The following MTMR3 variants were observed in gnomAD, a reference collection of about 807,000 sequenced individuals.
The protein encoded by MTMR3 is myotubularin related protein 3.
MTMR3 carries 32 observed loss-of-function variants against 132.4 expected under a neutral mutation model. That is an observed-to-expected ratio of 0.24 (90% confidence interval 0.18 to 0.32). The LOEUF (loss-of-function observed/expected upper bound fraction) is 0.32. Ranked by LOEUF, MTMR3 falls within the 10% of genes least tolerant of loss-of-function variation. The probability of loss-of-function intolerance (pLI) is 1.00; values close to 1 mark genes in which losing one functional copy is unlikely to be tolerated. For missense variants in MTMR3, 1,216 were observed against 1,489.6 expected (o/e 0.82, Z 3.02); for synonymous variants, 556 against 550.3 (o/e 1.01, Z -0.14).
intron 2 of MTMR3, among the ~76,000 whole-genome samples, chr22:29,967,241 G>A (rs1038797954): frequency 1.0e-4 from 15 of 146,358 alleles, no homozygotes; most frequent in East Asian, 6.0e-4. Context: ...GTGCATGCGC[G>A]CGCGCGCGCA....
chr22:30,022,454 G>A, intron 18 of MTMR3, 155 bp from the exon 19 acceptor site: 1 of 671,160 alleles, frequency 1.5e-6, no homozygotes, highest in South Asian at 1.8e-5. Flanking sequence ...AAACGATTTG[G>A]ACGCCTTTCT....
intron 5 of MTMR3, chr22:29,980,956 C>T (rs1392683706): frequency 6.6e-6 from 1 of 152,200 alleles, no homozygotes; most frequent in Non-Finnish European, 1.5e-5. Flanking sequence ...GTAAAAGCAG[C>T]CTCTTTGTAC....
chr22:29,932,980 AT>A (rs2145793818), intron 1 of MTMR3, among the ~76,000 whole-genome samples: 1 of 151,892 alleles, frequency 6.6e-6, no homozygotes, highest in Non-Finnish European at 1.5e-5. Flanking sequence ...TAAAATTTTT[AT>A]TTTTTGAGAT....
In MTMR3 at chr22:30,019,546, C is replaced by T; in HGVS notation, c.1887C>T (p.Ser629=). 6.2e-7 allele frequency: 1 copy of T among 1,612,754 alleles called. No homozygotes were observed. The change falls in exon 17 of 20, where the codon AGC becomes AGT. Residue 629 remains serine, a synonymous_variant. Transcript: ENST00000401950. Reference sequence around the variant, plus strand: ...GTGACAACACAGTGCCTCTGGCCAGCCGGCGCTGCAGCGACCCCAGCCTGA... The same window carrying T: ...GTGACAACACAGTGCCTCTGGCCAGTCGGCGCTGCAGCGACCCCAGCCTGA... The part of the protein sequence containing the change: ...TACDNTVPLA[S]RRCSDPSLNE...
intron 1 of MTMR3, among the ~76,000 whole-genome samples, chr22:29,906,274 G>GTCTATCTATCTA (rs1568998324): frequency 8.1e-6 from 1 of 123,056 alleles, no homozygotes; most frequent in African/African-American, 4.2e-5. Flanking sequence ...CTGTCTGTCT[G>GTCTATCTATCTA]TCTGTCTGTC....
chr22:29,959,330 G>A (rs1351871927), intron 2 of MTMR3, among the ~76,000 whole-genome samples: 1 of 152,058 alleles, frequency 6.6e-6, no homozygotes, highest in African/African-American at 2.4e-5. Context: ...GGGTGGGGGA[G>A]TGTTGCAGAT....
chr22:29,943,059 A>G (rs1411883504), intron 1 of MTMR3, among the ~76,000 whole-genome samples: 1 of 152,232 alleles, frequency 6.6e-6, no homozygotes, highest in Non-Finnish European at 1.5e-5. Flanking sequence ...CAGGTGTAAG[A>G]AATTATAAAA....
intron 17 of MTMR3, chr22:30,021,823 C>G: frequency 1.7e-6 from 1 of 571,926 alleles, no homozygotes; most frequent in South Asian, 2.2e-5. Context: ...TCACTGCACA[C>G]AACCTGTGTA....
chr22:30,020,461 T>C lies in MTMR3; in HGVS notation c.2802T>C (p.Thr934=), dbSNP rs1479231925. 6.2e-7 allele frequency: 1 copy of C among 1,613,992 alleles called. No individual in the cohort carries two copies. The highest frequency in any genetic ancestry group is 8.5e-7 in the Non-Finnish European group (1 of 1,180,022). ...EGLVCNGAPE[T]ENRASEQPPG... ...TTGTGTGCAATGGTGCCCCAGAGAC[T>C]GAAAACAGGGCCTCAGAGCAGCCCC... The change falls in exon 17 of 20, where the codon ACT becomes ACC. Residue 934 remains threonine (T), a synonymous_variant. Coordinates refer to ENST00000401950, the MANE Select transcript of MTMR3 (RefSeq NM_021090.4).
chr22:29,921,054 G>C (rs1226536587), intron 1 of MTMR3, among the ~76,000 whole-genome samples: 1 of 152,074 alleles, frequency 6.6e-6, no homozygotes, highest in African/African-American at 2.4e-5. Flanking sequence ...TTTGGGGAAT[G>C]TGTTTGTTTT....
chr22:29,906,241 CATCCGTCTGTCTGTCT>C (rs1269726425), intron 1 of MTMR3, among the ~76,000 whole-genome samples: 15 of 148,094 alleles, frequency 1.0e-4, no homozygotes, highest in East Asian at 6.2e-4. Flanking sequence ...TTTATCCATC[CATCCGTCTGTCTGTCT>C]GTCTGTCTGT....
chr22:30,004,371 A>C (rs1396497198), intron 9 of MTMR3: 1 of 152,208 alleles, frequency 6.6e-6, no homozygotes, highest in East Asian at 1.9e-4. Flanking sequence ...GACTTTGACC[A>C]AAAGGGGGAA....
chr22:29,901,578 A>G (rs775405100), intron 1 of MTMR3, among the ~76,000 whole-genome samples: 1 of 152,218 alleles, frequency 6.6e-6, no homozygotes, highest in Non-Finnish European at 1.5e-5. Context: ...AAATTTCCTC[A>G]TGACCCTTTC....
chr22:29,911,578 G>C (rs561815641), intron 1 of MTMR3, among the ~76,000 whole-genome samples: 84 of 133,578 alleles, frequency 6.3e-4, no homozygotes, highest in African/African-American at 1.9e-3. Context: ...AAAATAGCTT[G>C]ATTTGGGTTT....
In MTMR3 at chr22:30,020,599, C is replaced by T; in HGVS notation, c.2940C>T (p.Ser980=). Residue 980 remains serine (S), a synonymous_variant, in exon 17 of 20, where the codon AGC becomes AGT. Coordinates refer to ENST00000401950, the MANE Select transcript of MTMR3 (RefSeq NM_021090.4). ...LSRQLSAMSC[S]SAHLHSRNLH... Reference sequence around the variant, plus strand: ...GTCAGCTGTCTGCTATGAGCTGCAGCTCTGCCCACTTACACTCAAGGAACT... The same window carrying T: ...GTCAGCTGTCTGCTATGAGCTGCAGTTCTGCCCACTTACACTCAAGGAACT... 1 of 1,614,218 alleles carries T rather than the reference C, an allele frequency of 6.2e-7. No individual in the cohort carries two copies. The highest frequency in any genetic ancestry group is 1.1e-5 in the South Asian group (1 of 91,090).
At chr22:29,934,936 G>A (rs2065718738) in intron 1 of MTMR3, among the ~76,000 whole-genome samples, 1 of 152,168 alleles carries the variant, frequency 6.6e-6, no homozygotes, top group South Asian at 2.1e-4. Context: ...GCTTAACAAA[G>A]TAATTTATCC....
chr22:29,906,555 C>T (rs938432146), intron 1 of MTMR3, among the ~76,000 whole-genome samples: 1 of 151,574 alleles, frequency 6.6e-6, no homozygotes, highest in Non-Finnish European at 1.5e-5. Flanking sequence ...AGGCTGGTCT[C>T]CAACTCCTGA....
intron 1 of MTMR3, among the ~76,000 whole-genome samples, chr22:29,931,601 G>GATTTTAGTAGTCAAT (rs1447138547): frequency 6.6e-6 from 1 of 152,152 alleles, no homozygotes; most frequent in African/African-American, 2.4e-5. Context: ...TTTTAGTAGA[G>GATTTTAGTAGTCAAT]ATGGGGTTCC....
chr22:29,996,642 T>C (rs1265125875), intron 7 of MTMR3: 1 of 152,192 alleles, frequency 6.6e-6, no homozygotes, highest in East Asian at 1.9e-4. Context: ...TTAATGAACT[T>C]GGAATTTGCC....
Sources: allele counts gnomAD v4.1 joint callset (sites outside exome capture counted in the v4.1 genomes callset), GRCh38; gene constraint gnomAD v4.1.1; transcripts MANE v1.5; gene names NCBI Gene and HGNC (gene_info 2026-07-23, HGNC 2026-07-21).